The following ENPP1 variants were observed in gnomAD, a reference collection of about 807,000 sequenced individuals.
ENPP1 encodes the protein ectonucleotide pyrophosphatase/phosphodiesterase 1.
In ENPP1, 73 loss-of-function variants were observed where a neutral mutation model predicts 122.8. The ratio of observed to expected loss-of-function variants is 0.59; its 90% CI spans 0.49 to 0.72. The LOEUF is 0.72. ENPP1 is among the 30% of genes least tolerant of loss of function. The probability of loss-of-function intolerance (pLI) is 0.00; values close to 1 mark genes in which losing one functional copy is unlikely to be tolerated. For synonymous variants in ENPP1, 367 were observed against 391.6 expected (o/e 0.94, Z 0.74); for missense variants, 978 against 1,128.1 (o/e 0.87, Z 1.91).
chr6:131,812,403 A>G (rs893944365), intron 1 of ENPP1, among the ~76,000 whole-genome samples: 1 of 152,296 alleles, frequency 6.6e-6, no homozygotes, highest in African/African-American at 2.4e-5. Context: ...TAACGTGGCT[A>G]GGAGTCCTTT....
chr6:131,820,679 C>T (rs761929118), intron 1 of ENPP1: 1 of 152,210 alleles, frequency 6.6e-6, no homozygotes, highest in Non-Finnish European at 1.5e-5. Context: ...TTAGTCCAAA[C>T]CACAGCTCTG....
chr6:131,877,862 A>T (rs1167853209), intron 18 of ENPP1: 5 of 98,674 alleles, frequency 5.1e-5, no homozygotes, highest in African/African-American at 1.7e-4. Context: ...AAAAAAAAAA[A>T]AAAAATATAT....
intron 1 of ENPP1, chr6:131,826,594 A>C: frequency 9.3e-7 from 1 of 1,074,622 alleles, no homozygotes; most frequent in East Asian, 2.5e-5. Flanking sequence ...GGAGTATGGA[A>C]TGCATTCCAG....
At chr6:131,866,121 T>C (rs570455129) in intron 11 of ENPP1, among the ~76,000 whole-genome samples, 5 of 152,220 alleles carry the variant, frequency 3.3e-5, no homozygotes, top group Admixed American at 2.6e-4. Context: ...AGTAAGGATC[T>C]TGACTATTTT....
In ENPP1 at chr6:131,813,716, C is replaced by T. The variant is rs193141034; in HGVS notation, c.240+5441C>T. 5.9e-5 allele frequency among the ~76,000 whole-genome samples: 9 copies of T among 152,172 alleles called. No homozygotes were observed. The East Asian group carries it at 1.2e-3, about 20-fold the overall frequency. Reference sequence around the variant, plus strand: ...TAACATTAATGCTGGTCAATTGTTACGCCTCAACTCCAAAAGGGAGGGAGT... The same window carrying T: ...TAACATTAATGCTGGTCAATTGTTATGCCTCAACTCCAAAAGGGAGGGAGT... On this transcript the variant is annotated intron_variant, in intron 1 of 24. Transcript: ENST00000647893.
chr6:131,895,155 A>T lies in ENPP1; in HGVS notation c.*4644A>T, dbSNP rs1782530720. On this transcript the variant is annotated 3_prime_UTR_variant, in exon 25 of 25. Transcript: ENST00000647893. The stretch of plus-strand genomic sequence containing the variant: ...TGTTCAAATAAAACATACGTACAGA[A>T]CTCTGGCTGCTTTCCTTTGTGGCTT... The T allele has an allele frequency of 6.6e-6, 1 of 152,312 alleles. No individual in the cohort carries two copies. The highest frequency in any genetic ancestry group is 2.4e-5 in the African/African-American group (1 of 41,460). The allele number at this position is 152,312 out of a possible 1,614,324, so 9.4% of individuals were successfully genotyped here.
Position 131,858,666 on chromosome 6 carries a change from A to G in ENPP1, c.716-2A>G, listed in dbSNP as rs2114700212. On this transcript the variant is annotated splice_acceptor_variant, in intron 6 of 24. Transcript: ENST00000647893. LOFTEE classifies it high-confidence loss of function. The stretch of plus-strand genomic sequence containing the variant: ...AACAATGTTTATTTTTTTCCCTTCT[A>G]GAAAAATGTGGAACATATACTAAAA... The G allele has an allele frequency of 1.3e-6, 2 of 1,592,412 alleles. No homozygotes were observed. The highest frequency in any genetic ancestry group is 1.1e-5 in the South Asian group (1 of 90,566).
chr6:131,867,901 G>T (rs920229154), intron 11 of ENPP1, 117 bp from the exon 12 acceptor site: 82 of 750,168 alleles, frequency 1.1e-4, no homozygotes, highest in Middle Eastern at 2.4e-4. Context: ...CTATCTGTCT[G>T]TCTTTCTTTC....
chr6:131,840,932 A>G (rs1402298267), intron 1 of ENPP1, among the ~76,000 whole-genome samples: 1 of 152,146 alleles, frequency 6.6e-6, no homozygotes, highest in Non-Finnish European at 1.5e-5. Flanking sequence ...ATTTGTCCCT[A>G]TGTGATGTGC....
At chr6:131,821,510 A>G (rs1308723591) in intron 1 of ENPP1, among the ~76,000 whole-genome samples, 5 of 152,146 alleles carry the variant, frequency 3.3e-5, no homozygotes, top group South Asian at 2.1e-4. Flanking sequence ...TCTTGCACAT[A>G]CAGAACATGG....
intron 1 of ENPP1, among the ~76,000 whole-genome samples, chr6:131,809,454 A>T (rs1781321573): frequency 6.6e-6 from 1 of 152,220 alleles, no homozygotes; most frequent in Non-Finnish European, 1.5e-5. Flanking sequence ...CCTTAGTTTC[A>T]CAGAATAAGT....
intron 4 of ENPP1, among the ~76,000 whole-genome samples, chr6:131,851,574 A>G (rs1489358390): frequency 6.6e-6 from 1 of 152,158 alleles, no homozygotes; most frequent in Non-Finnish European, 1.5e-5. Context: ...TGATAATAGC[A>G]GCACACTTGA....
At chr6:131,827,735 T>C in intron 1 of ENPP1, 1 of 687,694 alleles carries the variant, frequency 1.5e-6, no homozygotes, top group South Asian at 1.4e-5. Context: ...CCCTCCTTCT[T>C]GTCCAGGCCA....
intron 6 of ENPP1, among the ~76,000 whole-genome samples, chr6:131,855,721 T>C (rs1025811083): frequency 2.6e-5 from 4 of 152,172 alleles, no homozygotes; most frequent in Admixed American, 1.3e-4. Context: ...TTGTCAGTTA[T>C]TCTGTATTAT....
At position 131,845,350 on chromosome 6, in the gene ENPP1, G is replaced by A. The variant is rs534437114; in HGVS notation, c.241-2426G>A. On this transcript the variant is annotated intron_variant, in intron 1 of 24. Transcript: ENST00000647893. Reference sequence around the variant, plus strand: ...CTGGCCAATTCTTCATGTTTTTAATGTTTTAAATTATAATACACTAAATAT... The same window carrying A: ...CTGGCCAATTCTTCATGTTTTTAATATTTTAAATTATAATACACTAAATAT... Among the ~76,000 whole-genome samples, 6 of 148,444 alleles carry A rather than the reference G, an allele frequency of 4.0e-5. No homozygotes were observed. In the South Asian group the frequency reaches 1.3e-3, roughly 32 times the overall value.
intron 18 of ENPP1, among the ~76,000 whole-genome samples, 166 bp from the exon 19 acceptor site, chr6:131,878,375 GA>G (rs1291741338): frequency 6.6e-6 from 1 of 151,972 alleles, no homozygotes; most frequent in African/African-American, 2.4e-5. Flanking sequence ...CAGCCTGGGT[GA>G]AAGAGCAACA....
intron 18 of ENPP1, chr6:131,877,975 G>T (rs2114721639): frequency 6.7e-6 from 1 of 149,114 alleles, no homozygotes. Context: ...AAGACTGTTG[G>T]GGTATATAGA....
intron 1 of ENPP1, among the ~76,000 whole-genome samples, chr6:131,810,218 T>C (rs1305270982): frequency 6.6e-6 from 1 of 151,962 alleles, no homozygotes; most frequent in African/African-American, 2.4e-5. Flanking sequence ...ATTAGCTGGG[T>C]ATGGTAGCAT....
chr6:131,877,296 G>A (rs113804711), intron 18 of ENPP1, 135 bp downstream of exon 18: 49 of 827,938 alleles, frequency 5.9e-5, no homozygotes, highest in African/African-American at 4.4e-4. Context: ...TTTAATTCTA[G>A]GGGGCGCATG....
Sources: allele counts gnomAD v4.1 joint callset (sites outside exome capture counted in the v4.1 genomes callset), GRCh38; gene constraint gnomAD v4.1.1; transcripts MANE v1.5; gene names NCBI Gene and HGNC (gene_info 2026-07-23, HGNC 2026-07-21).